The following RPAP1 variants were observed in gnomAD, a reference collection of about 807,000 sequenced individuals.
RPAP1 encodes RNA polymerase II associated protein 1, also known as RNA polymerase II-associated protein 1.
Under a neutral mutation model 142.4 loss-of-function variants are expected in RPAP1, and 109 were observed. The observed-to-expected ratio is 0.77, with a 90% CI of 0.66 to 0.90. The LOEUF is 0.90. Ranked by LOEUF, RPAP1 falls within the 40% of genes least tolerant of loss-of-function variation. RPAP1 has a pLI of 0.00. For missense variants in RPAP1, 1,546 were observed against 1,751.7 expected (o/e 0.88, Z 2.10); for synonymous variants, 704 against 738.9 (o/e 0.95, Z 0.77).
rs778967801 is a variant in RPAP1, at chr15:41,527,289, T to A, written c.1624A>T (p.Thr542Ser). The A allele has an allele frequency of 4.3e-6, 7 of 1,613,996 alleles. No homozygotes were observed. The East Asian group carries it at 1.6e-4, about 36-fold the overall frequency. Reference protein sequence around the residue: ...RHDVIKGLLATSLLPRLRYVL... With the variant: ...RHDVIKGLLASSLLPRLRYVL... The stretch of plus-strand genomic sequence containing the variant: ...TAGCGCAGCCGAGGCAGCAGGCTGG[T>A]AGCCAGGAGCCCCTGGGAGTTGGAG... The change falls in exon 13 of 25, where the codon ACC becomes TCC. Residue 542 changes from threonine to serine, a missense_variant. Around this residue, in one of 3 missense-constraint regions of RPAP1, gnomAD observed 1,333 missense variants for 1,486.6 expected, o/e 0.90. Coordinates refer to ENST00000304330, the MANE Select transcript of RPAP1 (RefSeq NM_015540.4).
chr15:41,519,032 G>T (rs192723310), intron 22 of RPAP1, among the ~76,000 whole-genome samples: 5 of 151,740 alleles, frequency 3.3e-5, no homozygotes, highest in Non-Finnish European at 7.4e-5. Context: ...CTGGGTCTAC[G>T]GGCAAATCAC....
intron 1 of RPAP1, among the ~76,000 whole-genome samples, chr15:41,537,607 C>T (rs1430958172): frequency 2.0e-5 from 3 of 152,238 alleles, no homozygotes; most frequent in Admixed American, 6.5e-5. Context: ...TGTGGCCAGG[C>T]GCAGTGGCTC....
At chr15:41,531,997 C>T (rs1329644022) in intron 6 of RPAP1, among the ~76,000 whole-genome samples, 3 of 150,194 alleles carry the variant, frequency 2.0e-5, no homozygotes, top group East Asian at 2.0e-4. Context: ...CTGGGACTAC[C>T]GGCATGCACC....
intron 15 of RPAP1, among the ~76,000 whole-genome samples, chr15:41,524,679 T>C (rs12911435): frequency 0.017 from 2,652 of 152,170 alleles, 34 homozygotes; most frequent in Non-Finnish European, 0.026. Flanking sequence ...TTTCACCATA[T>C]TGGCCAGGAT....
At position 41,524,231 on chromosome 15, in the gene RPAP1, C is replaced by T. The variant is rs142484175; in HGVS notation, c.2099G>A (p.Arg700Gln). Residue 700 changes from arginine (R) to glutamine (Q), a missense_variant, in exon 16 of 25, where the codon CGG becomes CAG. Physicochemically the swap from Arg to Gln is conservative, Grantham distance 43. Coordinates refer to ENST00000304330, the MANE Select transcript of RPAP1 (RefSeq NM_015540.4). Reference protein sequence around the residue: ...LYRELYPVLMRALQVVPRELS... With the variant: ...LYRELYPVLMQALQVVPRELS... Reference sequence around the variant, plus strand: ...CTCCCGCGGCACCACCTGCAAGGCCCGCATCAGCACTGGGTAGAGCTCCCT... The same window carrying T: ...CTCCCGCGGCACCACCTGCAAGGCCTGCATCAGCACTGGGTAGAGCTCCCT... The T allele has an allele frequency of 1.4e-3, 2,136 of 1,545,266 alleles. 28 individuals are homozygous for T. The highest frequency in any genetic ancestry group is 5.3e-4 in the South Asian group (43 of 80,532).
At chr15:41,522,021 A>G in intron 20 of RPAP1, 77 bp downstream of exon 20, 1 of 1,578,348 alleles carries the variant, frequency 6.3e-7, no homozygotes, top group East Asian at 2.2e-5. Context: ...ATGGCCTGGC[A>G]GAAGCAGGCT....
At position 41,523,303 on chromosome 15, in the gene RPAP1, C is replaced by G. The variant is rs537074500; in HGVS notation, c.2488G>C (p.Glu830Gln). ...TGACTCAGCAGTGGCAGCAGCAGCTCCTCTGACAGGCGCTGCATGTCCTGG... is the reference window on the plus strand; with the variant it reads ...TGACTCAGCAGTGGCAGCAGCAGCTGCTCTGACAGGCGCTGCATGTCCTGG... ...WLQDMQRLSE[E>Q]LLLPLLSQPT... The change falls in exon 18 of 25, where the codon GAG becomes CAG. Residue 830 changes from glutamate (E) to glutamine (Q), a missense_variant. Physicochemically the swap from Glu to Gln is conservative, Grantham distance 29 (BLOSUM62 2). Coordinates refer to ENST00000304330, the MANE Select transcript of RPAP1 (RefSeq NM_015540.4). 7 of 1,612,688 alleles carry G rather than the reference C, an allele frequency of 4.3e-6. No individual in the cohort carries two copies. In the East Asian group the frequency reaches 1.6e-4, roughly 36 times the overall value.
At chr15:41,543,872 T>C (rs1278219025) in intron 1 of RPAP1, 1 of 152,190 alleles carries the variant, frequency 6.6e-6, no homozygotes, top group African/African-American at 2.4e-5. Flanking sequence ...AATGGACCTC[T>C]GGGTTTATGT....
chr15:41,532,410 C>T (rs996630847), intron 6 of RPAP1, among the ~76,000 whole-genome samples: 2 of 152,120 alleles, frequency 1.3e-5, no homozygotes, highest in Non-Finnish European at 2.9e-5. Flanking sequence ...GCAATCCTCT[C>T]ACCTCAACCT....
chr15:41,517,520 C>T lies in RPAP1; in HGVS notation c.*22G>A. On this transcript the variant is annotated 3_prime_UTR_variant, in exon 25 of 25. Coordinates refer to ENST00000304330, the MANE Select transcript of RPAP1 (RefSeq NM_015540.4). Reference sequence around the variant, plus strand: ...GCTGGATACAGGACAACGTACCCATCTTTCCATCTATATCAACTATCCTAG... The same window carrying T: ...GCTGGATACAGGACAACGTACCCATTTTTCCATCTATATCAACTATCCTAG... The T allele has an allele frequency of 6.6e-7, 1 of 1,526,070 alleles. No homozygotes were observed. Among genetic ancestry groups the T allele is most frequent in the Non-Finnish European group, 8.8e-7 (1 of 1,135,790 alleles). The allele number at this position is 1,526,070 out of a possible 1,614,324, so 94.5% of individuals were successfully genotyped here. A position where few individuals can be genotyped will look rare whatever the true frequency, so the allele number is the denominator to read the frequency against.
rs781503005 is a variant in RPAP1, at chr15:41,537,135, C to T, written c.-10G>A. 12 of 1,612,054 alleles carry T rather than the reference C, an allele frequency of 7.4e-6. No homozygotes were observed. Among genetic ancestry groups the T allele is most frequent in the Non-Finnish European group, 1.0e-5 (12 of 1,179,180 alleles). ...TCGGTCTCGACAGCATCTTGCTGCT[C>T]CAGCTGCCTCCCCAGTACGACTCTC... On this transcript the variant is annotated 5_prime_UTR_variant, in exon 2 of 25. Coordinates refer to ENST00000304330, the MANE Select transcript of RPAP1 (RefSeq NM_015540.4).
At chr15:41,518,271 A>G (rs1399090867) in intron 22 of RPAP1, 89 bp from the exon 23 acceptor site, 1 of 1,123,746 alleles carries the variant, frequency 8.9e-7, no homozygotes, top group Non-Finnish European at 1.2e-6. Context: ...ATGAAACCAA[A>G]TCATGAGGGC....
Position 41,531,086 on chromosome 15 carries a change from G to T in RPAP1, c.880C>A (p.Pro294Thr). ...TCACTGGCAAAAGCTGACATGAGGGGTTCCTCCTTGGTGACATTAGCAGAG... is the reference window on the plus strand; with the variant it reads ...TCACTGGCAAAAGCTGACATGAGGGTTTCCTCCTTGGTGACATTAGCAGAG... ...GPSANVTKEE[P>T]LMSAFASEPR... The change falls in exon 7 of 25, where the codon CCC (proline) becomes ACC (threonine). Residue 294 changes from proline (P) to threonine (T), a missense_variant. By Grantham distance (38) the Pro-to-Thr change is conservative. This residue lies in a region of RPAP1 where 1,333 missense variants were observed against 1,486.6 expected (regional missense o/e 0.90). Transcript: ENST00000304330. The T allele has an allele frequency of 2.5e-6, 4 of 1,614,010 alleles. 1 individual carries two copies. Among genetic ancestry groups the T allele is most frequent in the Middle Eastern group, 1.6e-4 (1 of 6,062 alleles).
intron 15 of RPAP1, among the ~76,000 whole-genome samples, chr15:41,524,548 T>C (rs1419859091): frequency 1.3e-5 from 2 of 150,228 alleles, no homozygotes; most frequent in East Asian, 3.9e-4. Context: ...TGATCTCGGC[T>C]CACTGCAACC....
intron 6 of RPAP1, among the ~76,000 whole-genome samples, chr15:41,532,853 T>G (rs1487013134): frequency 2.0e-5 from 3 of 151,380 alleles, no homozygotes; most frequent in African/African-American, 7.3e-5. Flanking sequence ...GTGGTGCACA[T>G]CTGTAATCCC....
intron 1 of RPAP1, among the ~76,000 whole-genome samples, chr15:41,542,007 G>A (rs1308424118): frequency 6.6e-6 from 1 of 152,168 alleles, no homozygotes; most frequent in Non-Finnish European, 1.5e-5. Flanking sequence ...ACATGACGGT[G>A]TGACCTTAAG....
Position 41,534,896 on chromosome 15 carries a change from C to A in RPAP1, c.581G>T (p.Gly194Val), listed in dbSNP as rs921826426. ...GTGGCTGCTCCCAGGAAGCTGGCAG[C>A]CCTGGTTCCTAGGAGTGGGTGTCTC... ...TCETPTPRNQ[G>V]CQLPGSSHSF... Residue 194 changes from glycine to valine, a missense_variant, in exon 6 of 25, where the codon GGC (glycine) becomes GTC (valine). Gly to Val is a moderately radical substitution (Grantham distance 109). This residue lies in a region of RPAP1 where 1,333 missense variants were observed against 1,486.6 expected (regional missense o/e 0.90). Coordinates refer to ENST00000304330, the MANE Select transcript of RPAP1 (RefSeq NM_015540.4). The A allele has an allele frequency of 5.6e-6, 9 of 1,614,052 alleles. No homozygotes were observed. The highest frequency in any genetic ancestry group is 7.6e-6 in the Non-Finnish European group (9 of 1,180,020).
At chr15:41,521,349 C>T (rs2051724580) in intron 21 of RPAP1, among the ~76,000 whole-genome samples, 1 of 152,250 alleles carries the variant, frequency 6.6e-6, no homozygotes. Flanking sequence ...TACATAACTT[C>T]TCTGGGCCTC....
In RPAP1 at chr15:41,537,075, G is replaced by C; in HGVS notation, c.51C>G (p.Phe17Leu). The change falls in exon 2 of 25, where the codon TTC (phenylalanine) becomes TTG (leucine). Residue 17 changes from phenylalanine (F) to leucine (L), a missense_variant. This residue lies in a region of RPAP1 where 1,333 missense variants were observed against 1,486.6 expected (regional missense o/e 0.90). Coordinates refer to ENST00000304330, the MANE Select transcript of RPAP1 (RefSeq NM_015540.4). ...PGESEVDLLH[F>L]QSQFLAAGAA... ...CACCAGCTGCGAGAAACTGACTCTG[G>C]AAGTGCAGCAGGTCCACCTCGGACT... 1.9e-6 allele frequency: 3 copies of C among 1,614,138 alleles called. No individual in the cohort carries two copies. The highest frequency in any genetic ancestry group is 2.2e-5 in the South Asian group (2 of 91,086).
Sources: gnomAD v4.1 joint callset for allele counts (sites outside exome capture counted in the v4.1 genomes callset) on GRCh38, gnomAD v4.1.1 for gene constraint, gnomAD v4.1.1 regional missense constraint, MANE v1.5 for transcripts, NCBI Gene and HGNC (gene_info 2026-07-23, HGNC 2026-07-21) for gene names.